The following MAD1L1 variants were observed in gnomAD, a reference collection of about 807,000 sequenced individuals.
MAD1L1 encodes mitotic spindle assembly checkpoint protein MAD1.
A neutral mutation model predicts 96.9 loss-of-function variants in MAD1L1; 95 were observed. The ratio of observed to expected loss-of-function variants is 0.98; its 90% CI spans 0.83 to 1.16. The LOEUF is 1.16. Among genes scored for constraint, MAD1L1 ranks in the 50% most tolerant of loss-of-function variants. MAD1L1 has a pLI of 0.00. For synonymous variants in MAD1L1, 473 were observed against 396.6 expected (o/e 1.19, Z -2.29); for missense variants, 1,007 against 954.4 (o/e 1.06, Z -0.73).
At position 1,840,592 on chromosome 7, in the gene MAD1L1, G is replaced by A. The variant is rs149501295; in HGVS notation, c.1999-24364C>T. Among the ~76,000 whole-genome samples the A allele has an allele frequency of 6.8e-3, 1,035 of 152,336 alleles. 12 individuals are homozygous for A. The highest frequency in any genetic ancestry group is 0.024 in the African/African-American group (978 of 41,576). On this transcript the variant is annotated intron_variant, in intron 18 of 18. Coordinates refer to ENST00000265854, the MANE Select transcript of MAD1L1 (RefSeq NM_001013836.2). Reference sequence around the variant, plus strand: ...TAAAAATACAAAAAAAGCCAGGCATGGTGGCGGGCGCCTGTAATCCCAGCT... The same window carrying A: ...TAAAAATACAAAAAAAGCCAGGCATAGTGGCGGGCGCCTGTAATCCCAGCT...
intron 12 of MAD1L1, among the ~76,000 whole-genome samples, chr7:2,066,398 T>A (rs546547157): frequency 2.8e-4 from 42 of 152,340 alleles, no homozygotes; most frequent in Admixed American, 5.2e-4. Context: ...GCTGGACGGA[T>A]CCTGCATCCC....
chr7:2,068,326 A>C (rs1311131170), intron 12 of MAD1L1, among the ~76,000 whole-genome samples: 14 of 152,244 alleles, frequency 9.2e-5, no homozygotes, highest in Admixed American at 9.2e-4. Context: ...AGAAGCTGTA[A>C]AACAGCATCT....
rs771742431 is a variant in MAD1L1, at chr7:2,103,567, G to A, written c.1074-34229C>T. On this transcript the variant is annotated intron_variant, in intron 11 of 18. Coordinates refer to ENST00000265854, the MANE Select transcript of MAD1L1 (RefSeq NM_001013836.2). This position sits in a 1 kb window ranked among gnomAD's most constrained non-coding sequence, Gnocchi z 4.3. ...CAACCGCAGATGGGCCAGCACTGGG[G>A]CAAAGCCCACCACCAGGCAGCCCTG... is the stretch of plus-strand genomic sequence containing the variant. Among the ~76,000 whole-genome samples, 7 of 152,116 alleles carry A rather than the reference G, an allele frequency of 4.6e-5. No homozygotes were observed. The highest frequency in any genetic ancestry group is 8.8e-5 in the Non-Finnish European group (6 of 68,004).
chr7:1,925,029 A>T (rs1470000972), intron 17 of MAD1L1, among the ~76,000 whole-genome samples: 1 of 152,240 alleles, frequency 6.6e-6, no homozygotes, highest in Non-Finnish European at 1.5e-5. Flanking sequence ...AATAGGTAGG[A>T]AAGAGAAAAC....
intron 11 of MAD1L1, among the ~76,000 whole-genome samples, chr7:2,108,766 C>T (rs1246262225): frequency 3.9e-5 from 6 of 152,196 alleles, no homozygotes; most frequent in African/African-American, 1.2e-4. Context: ...AGGCAGCAGC[C>T]CTGGGGAAAC....
chr7:2,017,831 G>A (rs539936763), intron 12 of MAD1L1, among the ~76,000 whole-genome samples: 2 of 152,308 alleles, frequency 1.3e-5, no homozygotes, highest in South Asian at 4.1e-4. Flanking sequence ...GCAGGGGGCA[G>A]GACACCTGGG....
chr7:2,210,173 G>A lies in MAD1L1; in HGVS notation c.986+3039C>T, dbSNP rs894394488. 51 of 152,386 alleles carry A rather than the reference G, an allele frequency of 3.3e-4. 1 individual carries two copies. Among genetic ancestry groups the A allele is most frequent in the Non-Finnish European group, 5.7e-4 (39 of 68,086 alleles). 9.4% of individuals were successfully genotyped at this position (152,386 alleles called of 1,614,324 possible). ...GCAATCACAGCTCCTCCTGGGCTCA[G>A]GTGATCCTCCCACCTTAGCCTCCTG... On this transcript the variant is annotated intron_variant, in intron 10 of 18. Coordinates refer to ENST00000265854, the MANE Select transcript of MAD1L1 (RefSeq NM_001013836.2).
At chr7:2,028,915 G>A (rs4721322) in intron 12 of MAD1L1, among the ~76,000 whole-genome samples, 6,129 of 152,006 alleles carry the variant, frequency 0.04, 189 homozygotes, top group East Asian at 0.087. Flanking sequence ...ACAAGGCTGC[G>A]CAGGGCAACA....
intron 12 of MAD1L1, among the ~76,000 whole-genome samples, chr7:2,017,889 A>G (rs1782615307): frequency 6.6e-6 from 1 of 152,170 alleles, no homozygotes; most frequent in Non-Finnish European, 1.5e-5. Flanking sequence ...TGCCCTTGGA[A>G]GAAGAAACCC....
chr7:2,177,326 A>G (rs1790993995), intron 10 of MAD1L1, among the ~76,000 whole-genome samples: 1 of 152,212 alleles, frequency 6.6e-6, no homozygotes, highest in Admixed American at 6.5e-5. Context: ...TGTACAGCAG[A>G]TGTATTCATG....
chr7:1,936,675 G>A lies in MAD1L1; in HGVS notation c.1807+12C>T. ...TCGAGGATGGCAGGGACCGGGGGTG[G>A]GGGGTGCCTACCTGCCACCTCCTTG... On this transcript the variant is annotated intron_variant, in intron 17 of 18. Transcript: ENST00000265854. The A allele has an allele frequency of 6.5e-7, 1 of 1,546,714 alleles. No homozygotes were observed. Among genetic ancestry groups the A allele is most frequent in the Non-Finnish European group, 8.7e-7 (1 of 1,147,092 alleles).
intron 10 of MAD1L1, among the ~76,000 whole-genome samples, chr7:2,162,287 C>T (rs1160910739): frequency 2.0e-5 from 3 of 152,294 alleles, no homozygotes; most frequent in South Asian, 4.1e-4. Flanking sequence ...TATAACCTTA[C>T]CCCCAACCCT....
chr7:2,021,579 A>G (rs1210198232), intron 12 of MAD1L1, among the ~76,000 whole-genome samples: 3 of 151,788 alleles, frequency 2.0e-5, no homozygotes, highest in African/African-American at 7.3e-5. Flanking sequence ...ATCCTGGACA[A>G]TGCGGCGAAA....
At chr7:1,873,351 C>T (rs1785207185) in intron 18 of MAD1L1, among the ~76,000 whole-genome samples, 1 of 151,290 alleles carries the variant, frequency 6.6e-6, no homozygotes, top group Admixed American at 6.6e-5. Context: ...GTAATTACAG[C>T]AAGAGGGTGG....
intron 10 of MAD1L1, among the ~76,000 whole-genome samples, chr7:2,174,437 C>A (rs1368116873): frequency 5.3e-5 from 8 of 152,196 alleles, no homozygotes; most frequent in African/African-American, 1.2e-4. Context: ...ATCCACTGGA[C>A]TGGGTACTTG....
intron 15 of MAD1L1, among the ~76,000 whole-genome samples, chr7:1,972,849 A>G (rs531143119): frequency 3.3e-5 from 5 of 151,980 alleles, no homozygotes; most frequent in Non-Finnish European, 5.9e-5. Flanking sequence ...ACTTACTTAG[A>G]TGTGTGTATT....
intron 7 of MAD1L1, among the ~76,000 whole-genome samples, chr7:2,216,543 G>A (rs775983308): frequency 6.6e-6 from 1 of 152,056 alleles, no homozygotes; most frequent in Non-Finnish European, 1.5e-5. Context: ...GGCAAATATA[G>A]AACATTTTAC....
At chr7:1,957,205 C>T (rs2128473871) in intron 16 of MAD1L1, among the ~76,000 whole-genome samples, 1 of 152,344 alleles carries the variant, frequency 6.6e-6, no homozygotes, top group African/African-American at 2.4e-5. Flanking sequence ...CTAACAGGTG[C>T]CAAGATAAAA....
chr7:1,884,745 CCT>C (rs1785905955), intron 18 of MAD1L1, among the ~76,000 whole-genome samples: 1 of 152,222 alleles, frequency 6.6e-6, no homozygotes, highest in African/African-American at 2.4e-5. Context: ...ACGCCTGCGC[CCT>C]GAGGCCCCCA....
Sources: allele counts gnomAD v4.1 joint callset (sites outside exome capture counted in the v4.1 genomes callset), GRCh38; gene constraint gnomAD v4.1.1; non-coding constraint Gnocchi (gnomAD v3.1); transcripts MANE v1.5; gene names NCBI Gene and HGNC (gene_info 2026-07-23, HGNC 2026-07-21).